The following ALG5 variants were observed in gnomAD, a reference collection of about 807,000 sequenced individuals.
ALG5 encodes ALG5 dolichyl-phosphate beta-glucosyltransferase.
ALG5 carries 26 observed loss-of-function variants against 51.8 expected under a neutral mutation model. The observed-to-expected ratio is 0.50, with a 90% CI of 0.37 to 0.70. The LOEUF (loss-of-function observed/expected upper bound fraction) is 0.70. Among genes scored for constraint, ALG5 ranks in the 30% least tolerant of loss-of-function variants. The probability of loss-of-function intolerance (pLI) is 0.00; values close to 1 mark genes in which losing one functional copy is unlikely to be tolerated. For synonymous variants in ALG5, 141 were observed against 136.1 expected (o/e 1.04, Z -0.25); for missense variants, 311 against 399.3 (o/e 0.78, Z 1.88).
chr13:36,999,009 C>G (rs1432041195), intron 1 of ALG5: 1 of 409,130 alleles, frequency 2.4e-6, no homozygotes, highest in South Asian at 8.9e-5. Flanking sequence ...AAAAAACTTA[C>G]AAGTCTCTGA....
intron 4 of ALG5, among the ~76,000 whole-genome samples, chr13:36,992,920 G>C (rs1207896145): frequency 6.6e-6 from 1 of 152,096 alleles, no homozygotes; most frequent in Non-Finnish European, 1.5e-5. Flanking sequence ...CCCCTCCCTT[G>C]CTTGTCCTCC....
chr13:36,972,084 T>A (rs1383663350), intron 6 of ALG5, 48 bp from the exon 7 acceptor site: 2 of 1,328,738 alleles, frequency 1.5e-6, no homozygotes, highest in African/African-American at 1.5e-5. Context: ...ATATCACTAA[T>A]AAAAATATTT....
chr13:36,971,166 C>T (rs952058496), intron 7 of ALG5, among the ~76,000 whole-genome samples: 14 of 151,968 alleles, frequency 9.2e-5, no homozygotes, highest in Middle Eastern at 3.2e-3. Flanking sequence ...AAGAATTGAA[C>T]ATCTTTAGTG....
chr13:36,958,433 T>G (rs1278625972), intron 8 of ALG5, among the ~76,000 whole-genome samples: 1 of 152,186 alleles, frequency 6.6e-6, no homozygotes, highest in African/African-American at 2.4e-5. Context: ...AAACTACAAG[T>G]GGTTCTTCAA....
chr13:36,976,543 T>C (rs544086218), intron 6 of ALG5, among the ~76,000 whole-genome samples: 2 of 147,942 alleles, frequency 1.4e-5, no homozygotes, highest in African/African-American at 5.0e-5. Context: ...AGGTCAGGAG[T>C]TCAAGACTAG....
At chr13:36,978,905 G>T (rs1207382071) in intron 6 of ALG5, among the ~76,000 whole-genome samples, 2 of 121,512 alleles carry the variant, frequency 1.6e-5, no homozygotes, top group Admixed American at 9.4e-5. Context: ...GACAGAGTGA[G>T]ATTTGGTCTC....
At chr13:36,976,371 A>C (rs1386549246) in intron 6 of ALG5, among the ~76,000 whole-genome samples, 1 of 143,942 alleles carries the variant, frequency 6.9e-6, no homozygotes, top group Non-Finnish European at 1.5e-5. Context: ...GGTTGCAGTG[A>C]GACAAGATTG....
chr13:36,980,012 A>G (rs1465586454), intron 6 of ALG5, among the ~76,000 whole-genome samples: 1 of 152,160 alleles, frequency 6.6e-6, no homozygotes, highest in East Asian at 1.9e-4. Flanking sequence ...GCATCACTGC[A>G]CTCCAGGCTG....
At chr13:36,994,918 T>C in intron 3 of ALG5, 71 bp downstream of exon 3, 2 of 1,370,332 alleles carry the variant, frequency 1.5e-6, no homozygotes, top group Admixed American at 1.8e-5. Flanking sequence ...TGCATCTGGC[T>C]TGGGGTCCAC....
chr13:36,972,148 T>A, intron 6 of ALG5, 112 bp from the exon 7 acceptor site: 1 of 862,350 alleles, frequency 1.2e-6, no homozygotes, highest in Non-Finnish European at 1.8e-6. Flanking sequence ...AAGTTGACAT[T>A]AAAAATCTTT....
intron 8 of ALG5, among the ~76,000 whole-genome samples, chr13:36,960,955 A>G (rs1322070057): frequency 1.3e-5 from 2 of 152,002 alleles, no homozygotes; most frequent in African/African-American, 4.8e-5. Context: ...CAAGTATTTT[A>G]ACTTCCATAA....
chr13:36,980,389 G>C (rs1015362014), intron 6 of ALG5, among the ~76,000 whole-genome samples: 19 of 151,966 alleles, frequency 1.3e-4, no homozygotes, highest in Middle Eastern at 3.4e-3. Flanking sequence ...TGTGCGCTAC[G>C]ACACCTGGCT....
At position 36,949,923 on chromosome 13, in the gene ALG5, A is replaced by G; in HGVS notation, c.*19T>C. 6.5e-7 allele frequency: 1 copy of G among 1,537,742 alleles called. No homozygotes were observed. The highest frequency in any genetic ancestry group is 9.0e-7 in the Non-Finnish European group (1 of 1,116,644). ...TGTGACACTGAAGCATAAGAACACA[A>G]CTGAAGACTGCAAACAACCTAATTC... On this transcript the variant is annotated 3_prime_UTR_variant, in exon 10 of 10. Coordinates refer to ENST00000239891, the MANE Select transcript of ALG5 (RefSeq NM_013338.5).
intron 6 of ALG5, 115 bp downstream of exon 6, chr13:36,985,512 A>T: frequency 1.4e-6 from 1 of 713,016 alleles, no homozygotes; most frequent in Non-Finnish European, 2.3e-6. Flanking sequence ...TTGTATAAGG[A>T]TTTCATACCA....
intron 6 of ALG5, among the ~76,000 whole-genome samples, chr13:36,976,738 ACT>A (rs2058953628): frequency 1.8e-5 from 2 of 109,294 alleles, no homozygotes; most frequent in South Asian, 7.6e-4. Flanking sequence ...ACAGACCGAG[ACT>A]CTGTCTCAGG....
intron 6 of ALG5, among the ~76,000 whole-genome samples, chr13:36,978,415 G>C (rs1414516439): frequency 6.6e-6 from 1 of 151,884 alleles, no homozygotes; most frequent in East Asian, 2.0e-4. Context: ...TCAAACTCCT[G>C]ACCTCGGGTG....
At chr13:36,990,954 C>A (rs763199462) in intron 4 of ALG5, among the ~76,000 whole-genome samples, 2 of 152,190 alleles carry the variant, frequency 1.3e-5, no homozygotes, top group Non-Finnish European at 2.9e-5. Context: ...TAAAGTTATA[C>A]GAGTAGCCTT....
chr13:36,974,774 G>A (rs1317037501), intron 6 of ALG5, among the ~76,000 whole-genome samples: 1 of 151,118 alleles, frequency 6.6e-6, no homozygotes, highest in Admixed American at 6.6e-5. Context: ...GATATCATAT[G>A]TTACAAATTC....
chr13:36,998,925 T>G, intron 1 of ALG5: 3 of 279,820 alleles, frequency 1.1e-5, no homozygotes, highest in Non-Finnish European at 6.6e-6. Context: ...ACAGAGGAGG[T>G]GGGTAGGGGG....
Sources: gnomAD v4.1 joint callset for allele counts (sites outside exome capture counted in the v4.1 genomes callset) on GRCh38, gnomAD v4.1.1 for gene constraint, MANE v1.5 for transcripts, NCBI Gene and HGNC (gene_info 2026-07-23, HGNC 2026-07-21) for gene names.